Variants in SORCS3 observed in about 807,000 individuals in gnomAD.
The protein encoded by SORCS3 is sortilin related VPS10 domain containing receptor 3.
SORCS3 carries 57 observed loss-of-function variants against 146.3 expected under a neutral mutation model. That is an observed-to-expected ratio of 0.39 (90% CI 0.31 to 0.49). The LOEUF (loss-of-function observed/expected upper bound fraction) is 0.49, where lower values mean the gene tolerates loss of function less well. Among genes scored for constraint, SORCS3 ranks in the 20% least tolerant of loss-of-function variants. The pLI is 0.92. For missense variants in SORCS3, 1,341 were observed against 1,575.5 expected (o/e 0.85, Z 2.52); for synonymous variants, 653 against 618.5 (o/e 1.06, Z -0.83).
chr10:104,795,644 C>T (rs1006321916), intron 1 of SORCS3, among the ~76,000 whole-genome samples: 7 of 152,222 alleles, frequency 4.6e-5, no homozygotes, highest in Non-Finnish European at 8.8e-5. Context: ...TCCGGTATTT[C>T]AGCACCCTGT....
rs71022748 is a variant in SORCS3 at position 104,940,204 on chromosome 10, T to TTATATATATATATATATA, written c.795+24290_795+24307dup. The stretch of plus-strand genomic sequence containing the variant: ...ACCGAGAGTTCCTCTTCCTTTTCTT[T>TTATATATATATATATATA]TATATATATATATATATATATATAT... On this transcript the variant is annotated intron_variant, in intron 3 of 26. Transcript: ENST00000369701. Among the ~76,000 whole-genome samples the TTATATATATATATATATA allele has an allele frequency of 3.0e-3, 161 of 52,840 alleles. 1 individual carries two copies. The highest frequency in any genetic ancestry group is 5.1e-3 in the Non-Finnish European group (112 of 22,118). The allele number at this position is 52,840 out of a possible 152,430, so 34.7% of individuals were successfully genotyped here.
intron 4 of SORCS3, among the ~76,000 whole-genome samples, chr10:105,004,600 G>T (rs893980910): frequency 1.8e-4 from 28 of 152,238 alleles, no homozygotes; most frequent in Non-Finnish European, 3.1e-4. Flanking sequence ...GATCCCTGCT[G>T]TTTGTTTTTG....
At chr10:104,769,289 C>T (rs1247029852) in intron 1 of SORCS3, among the ~76,000 whole-genome samples, 2 of 152,210 alleles carry the variant, frequency 1.3e-5, no homozygotes, top group Non-Finnish European at 2.9e-5. Flanking sequence ...GAGGAAAAGC[C>T]AGGGTGAGGC....
At chr10:105,209,832 G>A (rs931786133) in intron 16 of SORCS3, among the ~76,000 whole-genome samples, 2 of 152,030 alleles carry the variant, frequency 1.3e-5, no homozygotes, top group South Asian at 2.1e-4. Context: ...GGTCAGACTC[G>A]GAAGATATTG....
At chr10:104,992,443 C>A (rs1693820794) in intron 4 of SORCS3, among the ~76,000 whole-genome samples, 1 of 152,172 alleles carries the variant, frequency 6.6e-6, no homozygotes, top group South Asian at 2.1e-4. Flanking sequence ...TTTGTTCTCC[C>A]TTTGTATTTG....
chr10:105,125,679 C>CACACACACACACACACACACACACA (rs370356129), intron 7 of SORCS3, among the ~76,000 whole-genome samples: 14 of 144,486 alleles, frequency 9.7e-5, no homozygotes, highest in East Asian at 6.4e-4. Flanking sequence ...CACTGAATAT[C>CACACACACACACACACACACACACA]CACACACACA....
intron 1 of SORCS3, among the ~76,000 whole-genome samples, chr10:104,838,879 G>C (rs2018103765): frequency 6.6e-6 from 1 of 151,410 alleles, no homozygotes; most frequent in Non-Finnish European, 1.5e-5. Flanking sequence ...CATTTAACAG[G>C]CTCCCCAGTG....
At chr10:105,224,824 T>C (rs1334478981) in intron 20 of SORCS3, among the ~76,000 whole-genome samples, 1 of 152,174 alleles carries the variant, frequency 6.6e-6, no homozygotes, top group African/African-American at 2.4e-5. Context: ...AATTTGGATT[T>C]CCCAGATGAC....
At chr10:104,724,101 C>T (rs1195859457) in intron 1 of SORCS3, among the ~76,000 whole-genome samples, 1 of 152,166 alleles carries the variant, frequency 6.6e-6, no homozygotes, top group African/African-American at 2.4e-5. Context: ...CATGTTTTTG[C>T]AGTGGCTGGT....
At chr10:105,008,479 C>T (rs1317446911) in intron 4 of SORCS3, among the ~76,000 whole-genome samples, 5 of 152,086 alleles carry the variant, frequency 3.3e-5, no homozygotes, top group African/African-American at 4.8e-5. Context: ...TTTAAGCTGT[C>T]GTTTGGTACC....
chr10:105,109,443 T>G (rs1285695210), intron 7 of SORCS3, among the ~76,000 whole-genome samples: 1 of 152,160 alleles, frequency 6.6e-6, no homozygotes, highest in Admixed American at 6.5e-5. Flanking sequence ...TTTAGTCTTA[T>G]AGGTAAATGT....
At chr10:105,004,000 C>CTT (rs1226455197) in intron 4 of SORCS3, among the ~76,000 whole-genome samples, 48 of 140,290 alleles carry the variant, frequency 3.4e-4, no homozygotes, top group African/African-American at 5.1e-4. Context: ...TCTTCTCTCT[C>CTT]TTTTTTTTTT....
chr10:104,855,049 T>G (rs1487997019), intron 2 of SORCS3, among the ~76,000 whole-genome samples: 1 of 152,202 alleles, frequency 6.6e-6, no homozygotes, highest in Non-Finnish European at 1.5e-5. Context: ...TGCAAACATG[T>G]TTTCATTTTT....
chr10:105,001,725 G>A (rs899837354), intron 4 of SORCS3, among the ~76,000 whole-genome samples: 5 of 152,094 alleles, frequency 3.3e-5, no homozygotes, highest in African/African-American at 4.8e-5. Context: ...AAGCAGTTTC[G>A]CTAACTCTAG....
At chr10:104,711,356 T>C (rs2016414367) in intron 1 of SORCS3, among the ~76,000 whole-genome samples, 2 of 152,146 alleles carry the variant, frequency 1.3e-5, no homozygotes, top group South Asian at 4.1e-4. Flanking sequence ...TGCACTGTGG[T>C]GAGAGCTGTC....
chr10:105,051,502 C>A (rs976226520), intron 5 of SORCS3, among the ~76,000 whole-genome samples: 1 of 152,060 alleles, frequency 6.6e-6, no homozygotes, highest in East Asian at 1.9e-4. Context: ...TGACCCTGGA[C>A]CATGGTTCTT....
chr10:105,149,690 T>C (rs547101702), intron 9 of SORCS3, among the ~76,000 whole-genome samples: 3 of 152,246 alleles, frequency 2.0e-5, no homozygotes, highest in South Asian at 2.1e-4. Context: ...TGGGTGGGCA[T>C]TGCTGCAGAT....
intron 1 of SORCS3, among the ~76,000 whole-genome samples, chr10:104,809,952 C>T (rs959290107): frequency 6.6e-6 from 1 of 152,208 alleles, no homozygotes; most frequent in Non-Finnish European, 1.5e-5. Flanking sequence ...CATGTTGAAG[C>T]CTCAGCCCCC....
chr10:104,730,339 C>T (rs1267142805), intron 1 of SORCS3, among the ~76,000 whole-genome samples: 1 of 152,160 alleles, frequency 6.6e-6, no homozygotes, highest in Non-Finnish European at 1.5e-5. Flanking sequence ...GGGACCAGAA[C>T]CTGATCTTCT....
Sources: gnomAD v4.1 joint callset for allele counts (sites outside exome capture counted in the v4.1 genomes callset) on GRCh38, gnomAD v4.1.1 for gene constraint, MANE v1.5 for transcripts, NCBI Gene and HGNC (gene_info 2026-07-23, HGNC 2026-07-21) for gene names.